MYRIP: variants seen among roughly 807,000 people sequenced by gnomAD.
MYRIP encodes myosin VIIA and Rab interacting protein.
A neutral mutation model predicts 98.0 loss-of-function variants in MYRIP; 49 were observed. That is an observed-to-expected ratio of 0.50 (90% CI 0.40 to 0.63). The LOEUF is 0.63. Among genes scored for constraint, MYRIP ranks in the 30% least tolerant of loss-of-function variants. MYRIP has a pLI of 0.00. For synonymous variants in MYRIP, 404 were observed against 409.5 expected, an observed-to-expected ratio of 0.99 and a Z score of 0.16; for missense variants, 1,004 against 1,058.2, an observed-to-expected ratio of 0.95 and a Z score of 0.71.
At chr3:40,163,835 C>A (rs993324649) in intron 5 of MYRIP, among the ~76,000 whole-genome samples, 1 of 152,086 alleles carries the variant, frequency 6.6e-6, no homozygotes, top group Non-Finnish European at 1.5e-5. Flanking sequence ...CTATATATAT[C>A]CTATTGGTTC....
intron 1 of MYRIP, among the ~76,000 whole-genome samples, chr3:39,895,344 G>A (rs956172488): frequency 5.3e-5 from 8 of 151,796 alleles, no homozygotes; most frequent in Admixed American, 1.3e-4. Flanking sequence ...CTGCCACCAC[G>A]CTCGGCTAAT....
At chr3:39,916,374 T>C (rs1870365) in intron 2 of MYRIP, among the ~76,000 whole-genome samples, 31,846 of 150,726 alleles carry the variant, frequency 0.21, 3,570 homozygotes, top group Middle Eastern at 0.27. Context: ...GCTCCTCTGG[T>C]CAGCTTAGTC....
chr3:40,087,764 T>C (rs1948658196), intron 3 of MYRIP, among the ~76,000 whole-genome samples: 1 of 152,216 alleles, frequency 6.6e-6, no homozygotes, highest in Non-Finnish European at 1.5e-5. Flanking sequence ...ACGAGTCTGC[T>C]TCAGCATACC....
rs185518431 is a variant in MYRIP, at chr3:40,160,821, T to G, written c.470-1909T>G. On this transcript the variant is annotated intron_variant, in intron 4 of 16. Transcript: ENST00000302541. Reference sequence around the variant, plus strand: ...TAGGAAAGGGAACTCCCTGGCCCCTTGCGCTTCCTGAGTGAGGCAATGCCT... The same window carrying G: ...TAGGAAAGGGAACTCCCTGGCCCCTGGCGCTTCCTGAGTGAGGCAATGCCT... 1.4e-4 allele frequency among the ~76,000 whole-genome samples: 22 copies of G among 152,334 alleles called. 1 individual carries two copies. The East Asian group carries it at 4.1e-3, about 28-fold the overall frequency.
At chr3:39,974,700 C>T (rs1315340596) in intron 2 of MYRIP, among the ~76,000 whole-genome samples, 1 of 152,132 alleles carries the variant, frequency 6.6e-6, no homozygotes, top group Non-Finnish European at 1.5e-5. Flanking sequence ...ACTTTTCCAC[C>T]ATGATCAAGT....
chr3:39,933,046 G>C (rs895955855), intron 2 of MYRIP, among the ~76,000 whole-genome samples: 1 of 152,222 alleles, frequency 6.6e-6, no homozygotes, highest in Non-Finnish European at 1.5e-5. Flanking sequence ...TGACAATCTA[G>C]ATGAATTTAG....
intron 2 of MYRIP, among the ~76,000 whole-genome samples, chr3:39,963,727 A>G (rs1411645855): frequency 6.6e-6 from 1 of 152,170 alleles, no homozygotes; most frequent in Non-Finnish European, 1.5e-5. Flanking sequence ...GAACATGTGT[A>G]TATTTATATT....
At chr3:39,823,771 C>G (rs75982027) in intron 1 of MYRIP, among the ~76,000 whole-genome samples, 1 of 151,912 alleles carries the variant, frequency 6.6e-6, no homozygotes, top group Admixed American at 6.6e-5. Context: ...GAATAGTTTG[C>G]AAATATTTTT....
chr3:40,258,966 G>GCACT lies in MYRIP; in HGVS notation c.*801_*804dup, dbSNP rs1197793562. The GCACT allele has an allele frequency of 1.3e-5, 2 of 152,192 alleles. No individual in the cohort carries two copies. The highest frequency in any genetic ancestry group is 2.9e-5 in the Non-Finnish European group (2 of 68,046). The allele number at this position is 152,192 out of a possible 1,614,324, so 9.4% of individuals were successfully genotyped here. A position where few individuals can be genotyped will look rare whatever the true frequency, so the allele number is the denominator to read the frequency against. Reference sequence around the variant, plus strand: ...AGACCATCACTGGCTCAACTTTAGGGCACTGTCCAGAGTCAACATGATGTG... The same window carrying GCACT: ...AGACCATCACTGGCTCAACTTTAGGGCACTCACTGTCCAGAGTCAACATGATGTG... On this transcript the variant is annotated 3_prime_UTR_variant, in exon 17 of 17. Transcript: ENST00000302541.
chr3:40,182,134 A>G, intron 8 of MYRIP, 86 bp from the exon 9 acceptor site: 1 of 1,387,156 alleles, frequency 7.2e-7, no homozygotes, highest in Non-Finnish European at 9.7e-7. Context: ...TCCATGCTGG[A>G]CAATGTCTGC....
intron 3 of MYRIP, among the ~76,000 whole-genome samples, chr3:40,092,209 C>G (rs1948746965): frequency 6.6e-6 from 1 of 152,146 alleles, no homozygotes; most frequent in African/African-American, 2.4e-5. Flanking sequence ...TTTGAAGCTG[C>G]CACTAAATCT....
chr3:40,094,257 ATTAT>A (rs1256552205), intron 3 of MYRIP, among the ~76,000 whole-genome samples: 1 of 152,170 alleles, frequency 6.6e-6, no homozygotes, highest in Non-Finnish European at 1.5e-5. Flanking sequence ...TTAATAGCTG[ATTAT>A]TTAATTTTTA....
At chr3:40,035,079 G>C (rs987402365) in intron 2 of MYRIP, among the ~76,000 whole-genome samples, 4 of 110,440 alleles carry the variant, frequency 3.6e-5, no homozygotes, top group Admixed American at 3.2e-4. Context: ...GTTATGGGGT[G>C]GGGGGAGGGG....
At chr3:39,844,860 T>C (rs1941912494) in intron 1 of MYRIP, among the ~76,000 whole-genome samples, 1 of 152,108 alleles carries the variant, frequency 6.6e-6, no homozygotes, top group South Asian at 2.1e-4. Context: ...ATTGGATCCG[T>C]TGGGTTATGC....
At chr3:40,136,049 TA>T (rs1328405942) in intron 3 of MYRIP, among the ~76,000 whole-genome samples, 1 of 152,176 alleles carries the variant, frequency 6.6e-6, no homozygotes, top group Non-Finnish European at 1.5e-5. Flanking sequence ...ACCTTAAATG[TA>T]AATGGGCTAA....
At chr3:40,257,984 T>C (rs1953653135) in intron 16 of MYRIP, 150 bp from the exon 17 acceptor site, 1 of 785,856 alleles carries the variant, frequency 1.3e-6, no homozygotes, top group Non-Finnish European at 2.1e-6. Context: ...CATTTAAAAA[T>C]GACATCAGTT....
chr3:40,129,132 A>C lies in MYRIP; in HGVS notation c.333-21916A>C, dbSNP rs9835808. ...TCCTACTAAGTGGATTGTGGTCAAA[A>C]TTTAAAAGAAAAAAAAAATCATGAC... On this transcript the variant is annotated intron_variant, in intron 3 of 16. Coordinates refer to ENST00000302541, the MANE Select transcript of MYRIP (RefSeq NM_015460.4). Among the ~76,000 whole-genome samples, 1,376 of 151,918 alleles carry C rather than the reference A, an allele frequency of 9.1e-3. 21 individuals carry two copies. Among genetic ancestry groups the C allele is most frequent in the African/African-American group, 0.029 (1,187 of 41,408 alleles).
At chr3:39,876,195 T>C (rs1252639341) in intron 1 of MYRIP, among the ~76,000 whole-genome samples, 1 of 152,216 alleles carries the variant, frequency 6.6e-6, no homozygotes, top group Non-Finnish European at 1.5e-5. Flanking sequence ...ATTTGCTTGG[T>C]AGATCTTCTT....
intron 2 of MYRIP, among the ~76,000 whole-genome samples, chr3:40,035,532 C>T (rs754662195): frequency 6.6e-5 from 10 of 151,870 alleles, no homozygotes; most frequent in Non-Finnish European, 1.3e-4. Flanking sequence ...AACCAATAGA[C>T]GGATTTGTGC....
Sources: allele counts gnomAD v4.1 joint callset (sites outside exome capture counted in the v4.1 genomes callset), GRCh38; gene constraint gnomAD v4.1.1; transcripts MANE v1.5; gene names NCBI Gene and HGNC (gene_info 2026-07-23, HGNC 2026-07-21).